Variants in PTPRN2 observed in about 807,000 individuals in gnomAD.
The protein encoded by PTPRN2 is receptor-type tyrosine-protein phosphatase N2.
Under a neutral mutation model 118.8 loss-of-function variants are expected in PTPRN2, and 74 were observed. The ratio of observed to expected loss-of-function variants is 0.62; its 90% CI spans 0.52 to 0.76. PTPRN2 has a LOEUF of 0.76. Among genes scored for constraint, PTPRN2 ranks in the 30% least tolerant of loss-of-function variants. The pLI is 0.00. For synonymous variants in PTPRN2, 641 were observed against 608.0 expected (o/e 1.05, Z -0.80); for missense variants, 1,481 against 1,394.4 (o/e 1.06, Z -0.99).
At chr7:158,327,414 T>G (rs920229094) in intron 2 of PTPRN2, among the ~76,000 whole-genome samples, 2 of 150,222 alleles carry the variant, frequency 1.3e-5, no homozygotes, top group Admixed American at 6.6e-5. Flanking sequence ...TGCTCACACA[T>G]GTACACGTTC....
At chr7:157,902,549 GC>G (rs1797533213) in intron 11 of PTPRN2, among the ~76,000 whole-genome samples, 1 of 141,478 alleles carries the variant, frequency 7.1e-6, no homozygotes, top group South Asian at 2.3e-4. Context: ...GTGGGGACCA[GC>G]CCCGCGGTGG....
chr7:158,119,741 G>A (rs1454549122), intron 9 of PTPRN2, among the ~76,000 whole-genome samples: 1 of 151,924 alleles, frequency 6.6e-6, no homozygotes, highest in Non-Finnish European at 1.5e-5. Flanking sequence ...CTTTATCATA[G>A]GTATGTATGT....
At chr7:158,327,480 T>C (rs200477744) in intron 2 of PTPRN2, among the ~76,000 whole-genome samples, 1 of 70,094 alleles carries the variant, frequency 1.4e-5, no homozygotes, top group Admixed American at 1.7e-4. Flanking sequence ...TTCTCACACA[T>C]ACATTCTCAC....
chr7:157,922,732 C>T (rs935778574), intron 11 of PTPRN2, among the ~76,000 whole-genome samples: 1 of 152,166 alleles, frequency 6.6e-6, no homozygotes, highest in Non-Finnish European at 1.5e-5. Context: ...CATTAGCAAG[C>T]TCGATGTCAC....
intron 12 of PTPRN2, among the ~76,000 whole-genome samples, chr7:157,890,654 C>T (rs189161639): frequency 1.6e-3 from 238 of 152,268 alleles, no homozygotes; most frequent in African/African-American, 5.6e-3. Flanking sequence ...ACAACAACAA[C>T]AAAATAATAG....
chr7:157,961,094 T>C (rs1181187840), intron 11 of PTPRN2, among the ~76,000 whole-genome samples: 2 of 152,210 alleles, frequency 1.3e-5, no homozygotes, highest in Non-Finnish European at 2.9e-5. Context: ...TATATTAAAA[T>C]ATGTATCTGT....
chr7:157,544,619 C>G (rs1240503729), intron 22 of PTPRN2, among the ~76,000 whole-genome samples: 3 of 152,198 alleles, frequency 2.0e-5, no homozygotes, highest in African/African-American at 7.2e-5. Flanking sequence ...ATCACTGGCT[C>G]TACTTCTGGA....
rs533801611 is a variant in PTPRN2 at position 158,133,966 on chromosome 7, T to A, written c.1267A>T (p.Met423Leu). ...GGGTGCTCGGACTTCTTCCTCTCCA[T>A]GTCGAGGGGCCTTGCAAAGGGGAGG... Reference protein sequence around the residue: ...GALPFARPLDMERKKSEHPES... With the variant: ...GALPFARPLDLERKKSEHPES... The change falls in exon 9 of 23, where the codon ATG (methionine) becomes TTG (leucine). Residue 423 changes from methionine to leucine, a missense_variant. Met to Leu is a conservative substitution (Grantham distance 15). Transcript: ENST00000389418. 19 of 1,613,986 alleles carry A rather than the reference T, an allele frequency of 1.2e-5. No individual in the cohort carries two copies. Among genetic ancestry groups the A allele is most frequent in the South Asian group, 3.3e-5 (3 of 91,086 alleles).
chr7:157,946,847 A>G (rs1585066679), intron 11 of PTPRN2, among the ~76,000 whole-genome samples: 1 of 152,166 alleles, frequency 6.6e-6, no homozygotes, highest in Non-Finnish European at 1.5e-5. Context: ...ACATGCACAA[A>G]CCACCAGTGT....
At chr7:157,760,318 T>G (rs967841769) in intron 12 of PTPRN2, among the ~76,000 whole-genome samples, 4 of 151,546 alleles carry the variant, frequency 2.6e-5, no homozygotes, top group Admixed American at 2.6e-4. Context: ...CGATTTGTGC[T>G]TTGCAGAGAA....
intron 9 of PTPRN2, among the ~76,000 whole-genome samples, chr7:158,122,509 G>T (rs1311290581): frequency 6.6e-6 from 1 of 152,132 alleles, no homozygotes; most frequent in Non-Finnish European, 1.5e-5. Context: ...AAATGACTAC[G>T]GGAGTGTCAC....
chr7:158,295,987 G>A (rs1423912146), intron 3 of PTPRN2, among the ~76,000 whole-genome samples: 1 of 152,246 alleles, frequency 6.6e-6, no homozygotes. Flanking sequence ...AGAAAGATGA[G>A]TTTGGATTGC....
chr7:157,691,434 G>A (rs931371037), intron 12 of PTPRN2, among the ~76,000 whole-genome samples: 1 of 152,066 alleles, frequency 6.6e-6, no homozygotes, highest in Non-Finnish European at 1.5e-5. Flanking sequence ...GGGCCTTTTT[G>A]CTCCCTTTCC....
At chr7:157,789,176 G>T (rs1439181689) in intron 12 of PTPRN2, among the ~76,000 whole-genome samples, 5 of 152,264 alleles carry the variant, frequency 3.3e-5, no homozygotes, top group African/African-American at 4.8e-5. Context: ...GGTGACAGAT[G>T]AAGTCAGATG....
At chr7:157,633,144 CTT>C (rs113679613) in intron 14 of PTPRN2, among the ~76,000 whole-genome samples, 26 of 142,006 alleles carry the variant, frequency 1.8e-4, no homozygotes, top group Non-Finnish European at 2.2e-4. Flanking sequence ...CTTTTCTTTT[CTT>C]TTTTTTTTTT....
chr7:158,141,931 C>T (rs1167392465), intron 6 of PTPRN2, among the ~76,000 whole-genome samples: 2 of 152,192 alleles, frequency 1.3e-5, no homozygotes, highest in Non-Finnish European at 2.9e-5. Flanking sequence ...CTGATCGGAG[C>T]GTGCTGGGCG....
chr7:157,840,266 T>G (rs1275616645), intron 12 of PTPRN2, among the ~76,000 whole-genome samples: 3 of 145,270 alleles, frequency 2.1e-5, no homozygotes, highest in African/African-American at 7.8e-5. Context: ...TGTGACTGTG[T>G]GGCCGCGTGT....
At chr7:158,148,990 A>C (rs1370484524) in intron 6 of PTPRN2, among the ~76,000 whole-genome samples, 2 of 83,188 alleles carry the variant, frequency 2.4e-5, no homozygotes, top group Admixed American at 1.3e-4. Context: ...CTCACGCCAC[A>C]CATCTTTCCC....
At chr7:158,179,168 T>C (rs1400769561) in intron 5 of PTPRN2, among the ~76,000 whole-genome samples, 2 of 152,218 alleles carry the variant, frequency 1.3e-5, no homozygotes, top group Non-Finnish European at 2.9e-5. Flanking sequence ...CCAACATCTA[T>C]TGTTTTGTGA....
Sources: allele counts gnomAD v4.1 joint callset (sites outside exome capture counted in the v4.1 genomes callset), GRCh38; gene constraint gnomAD v4.1.1; transcripts MANE v1.5; gene names NCBI Gene and HGNC (gene_info 2026-07-23, HGNC 2026-07-21).